SLCO3A1: variants seen among roughly 807,000 people sequenced by gnomAD.
SLCO3A1 encodes the protein solute carrier organic anion transporter family member 3A1, also known as PGE1 transporter.
Under a neutral mutation model 63.1 loss-of-function variants are expected in SLCO3A1, and 27 were observed. The ratio of observed to expected loss-of-function variants is 0.43; its 90% CI spans 0.32 to 0.59. The LOEUF (loss-of-function observed/expected upper bound fraction) is 0.59, where lower values mean the gene tolerates loss of function less well. Ranked by LOEUF, SLCO3A1 falls within the 20% of genes least tolerant of loss-of-function variation. SLCO3A1 has a pLI of 0.09. For missense variants in SLCO3A1, 773 were observed against 945.8 expected, an observed-to-expected ratio of 0.82 and a Z score of 2.40; for synonymous variants, 473 against 409.9, an observed-to-expected ratio of 1.15 and a Z score of -1.86.
chr15:91,961,542 A>G (rs1341627199), intron 2 of SLCO3A1, among the ~76,000 whole-genome samples: 2 of 152,228 alleles, frequency 1.3e-5, no homozygotes, highest in East Asian at 3.9e-4. Context: ...GAGATGAGTC[A>G]TATCTCACAC....
chr15:91,921,818 C>G (rs1429270687), intron 2 of SLCO3A1, among the ~76,000 whole-genome samples: 1 of 151,984 alleles, frequency 6.6e-6, no homozygotes, highest in Admixed American at 6.5e-5. Flanking sequence ...CTGCCTCTGC[C>G]TCCTGGGTTC....
intron 7 of SLCO3A1, among the ~76,000 whole-genome samples, chr15:92,144,079 C>T (rs1596141984): frequency 6.6e-6 from 1 of 152,222 alleles, no homozygotes; most frequent in Non-Finnish European, 1.5e-5. Context: ...TCTGTGTGTC[C>T]GTCCTTATGC....
At chr15:91,890,586 C>T (rs1897846470) in intron 1 of SLCO3A1, among the ~76,000 whole-genome samples, 1 of 152,176 alleles carries the variant, frequency 6.6e-6, no homozygotes, top group Non-Finnish European at 1.5e-5. Context: ...ATTTTACTTC[C>T]TCCCATGAAG....
chr15:92,150,163 C>T (rs1363867885), intron 8 of SLCO3A1, among the ~76,000 whole-genome samples: 2 of 152,180 alleles, frequency 1.3e-5, no homozygotes, highest in Admixed American at 1.3e-4. Flanking sequence ...TGTTCGAGGG[C>T]AGAAGGGGTC....
At chr15:91,964,654 G>A (rs754954904) in intron 2 of SLCO3A1, among the ~76,000 whole-genome samples, 30 of 152,104 alleles carry the variant, frequency 2.0e-4, no homozygotes, top group Non-Finnish European at 3.5e-4. Context: ...CCACAGCTCC[G>A]TCCCATCTCT....
chr15:92,167,683 G>A (rs2048500723), downstream of SLCO3A1, among the ~76,000 whole-genome samples: 1 of 152,216 alleles, frequency 6.6e-6, no homozygotes, highest in Non-Finnish European at 1.5e-5. Flanking sequence ...TTGTTCAAAT[G>A]CCTCTTATGG....
At chr15:92,032,845 A>G (rs552587311) in intron 2 of SLCO3A1, among the ~76,000 whole-genome samples, 162 of 149,312 alleles carry the variant, frequency 1.1e-3, no homozygotes, top group African/African-American at 3.9e-3. Flanking sequence ...TATAAGGGAC[A>G]GAGAAGAGAT....
In SLCO3A1 at chr15:91,916,227, G is replaced by A. The variant is rs1898651913; in HGVS notation, c.415G>A (p.Glu139Lys). The A allele has an allele frequency of 6.3e-7, 1 of 1,574,854 alleles. No individual in the cohort carries two copies. The highest frequency in any genetic ancestry group is 1.3e-5 in the African/African-American group (1 of 74,082). ...LTHQYKYEAG[E>K]IRWGAEGRDV... Reference sequence around the variant, plus strand: ...CCACCAGTACAAGTACGAGGCGGGCGAGATCCGCTGGGGCGCCGAGGGCCG... The same window carrying A: ...CCACCAGTACAAGTACGAGGCGGGCAAGATCCGCTGGGGCGCCGAGGGCCG... Residue 139 changes from glutamate (E) to lysine (K), a missense_variant, in exon 2 of 10, where the codon GAG becomes AAG. Physicochemically the swap from Glu to Lys is moderately conservative, Grantham distance 56. Around this residue, in one of 3 missense-constraint regions of SLCO3A1, gnomAD observed 565 missense variants for 749.8 expected, o/e 0.75. Transcript: ENST00000318445. This position sits in a 1 kb window ranked among gnomAD's most constrained non-coding sequence, Gnocchi z 6.2.
At chr15:91,989,344 CGT>C (rs1321869724) in intron 2 of SLCO3A1, among the ~76,000 whole-genome samples, 1 of 152,148 alleles carries the variant, frequency 6.6e-6, no homozygotes, top group African/African-American at 2.4e-5. Context: ...CCCTTCCTAT[CGT>C]GTGAGCAACT....
rs192901007 is a variant in SLCO3A1 at position 92,034,518 on chromosome 15, A to C, written c.647-60363A>C. Among the ~76,000 whole-genome samples the C allele has an allele frequency of 3.4e-4, 52 of 151,760 alleles. 2 individuals are homozygous for C. The highest frequency in any genetic ancestry group is 1.4e-3 in the Admixed American group (21 of 15,196). ...AGATGGTTTGGGGCATGGATGTAAGAAAAAGGGAGCCTGCAGCAACTCCCT... is the reference window on the plus strand; with the variant it reads ...AGATGGTTTGGGGCATGGATGTAAGCAAAAGGGAGCCTGCAGCAACTCCCT... On this transcript the variant is annotated intron_variant, in intron 2 of 9. Transcript: ENST00000318445.
In SLCO3A1 at chr15:91,894,864, A is replaced by G. The variant is rs186159221; in HGVS notation, c.181-21129A>G. Among the ~76,000 whole-genome samples, 17 of 152,312 alleles carry G rather than the reference A, an allele frequency of 1.1e-4. No homozygotes were observed. Among genetic ancestry groups the G allele is most frequent in the African/African-American group, 3.8e-4 (16 of 41,568 alleles). On this transcript the variant is annotated intron_variant, in intron 1 of 9. Transcript: ENST00000318445. This position sits in a 1 kb window ranked among gnomAD's most constrained non-coding sequence, Gnocchi z 4.8. ...CAGTGAAACCCCCGGAGGGACAGGG[A>G]GTGCGTAGAAGCAGGTTGTAGCTCG...
intron 1 of SLCO3A1, among the ~76,000 whole-genome samples, chr15:91,880,165 CCA>C (rs1897530358): frequency 3.4e-4 from 51 of 148,802 alleles, no homozygotes; most frequent in African/African-American, 7.8e-4. Flanking sequence ...ATCCATCCAT[CCA>C]TCCATCTATC....
intron 1 of SLCO3A1, among the ~76,000 whole-genome samples, chr15:91,866,500 T>C (rs536826160): frequency 6.6e-6 from 1 of 151,446 alleles, no homozygotes; most frequent in South Asian, 2.1e-4. Context: ...TCTAATCTCA[T>C]CCATCTCTGT....
intron 1 of SLCO3A1, among the ~76,000 whole-genome samples, chr15:91,891,173 C>G (rs950830971): frequency 2.6e-5 from 4 of 151,156 alleles, no homozygotes; most frequent in African/African-American, 9.8e-5. Context: ...AGAACAGAAC[C>G]ATTTTTAGGT....
At chr15:92,059,198 G>A (rs79842450) in intron 2 of SLCO3A1, among the ~76,000 whole-genome samples, 1,584 of 152,304 alleles carry the variant, frequency 0.01, 18 homozygotes, top group Middle Eastern at 0.041. Flanking sequence ...CTTCCCTAGG[G>A]GGGTGTTTCC....
intron 10 of SLCO3A1, chr15:92,171,716 T>C (rs1234644907): frequency 1.9e-5 from 22 of 1,138,470 alleles, no homozygotes; most frequent in South Asian, 1.6e-4. Context: ...TAACAAACAG[T>C]AGGTGAAGCA....
intron 2 of SLCO3A1, among the ~76,000 whole-genome samples, chr15:91,953,200 T>A (rs1900055703): frequency 6.6e-6 from 1 of 152,162 alleles, no homozygotes; most frequent in Non-Finnish European, 1.5e-5. Context: ...AGATAAACTG[T>A]CATCTTAGAA....
At chr15:91,911,729 C>T (rs1898493345) in intron 1 of SLCO3A1, among the ~76,000 whole-genome samples, 1 of 152,126 alleles carries the variant, frequency 6.6e-6, no homozygotes, top group Non-Finnish European at 1.5e-5. Context: ...CGGGTTCAAG[C>T]AGTTCTCCTG....
At position 91,860,219 on chromosome 15, in the gene SLCO3A1, G is replaced by T. The variant is rs140601130; in HGVS notation, c.180+6131G>T. On this transcript the variant is annotated intron_variant, in intron 1 of 9. Coordinates refer to ENST00000318445, the MANE Select transcript of SLCO3A1 (RefSeq NM_013272.4). This position sits in a 1 kb window ranked among gnomAD's most constrained non-coding sequence, Gnocchi z 5.5. ...GAGGTCCTCAGTATCTCTTGCTGTG[G>T]TCTGTGGCCACTGGGTGCTGAAGGC... 1.3e-5 allele frequency among the ~76,000 whole-genome samples: 2 copies of T among 152,160 alleles called. No individual in the cohort carries two copies. The highest frequency in any genetic ancestry group is 1.9e-4 in the East Asian group (1 of 5,190).
Sources: allele counts gnomAD v4.1 joint callset (sites outside exome capture counted in the v4.1 genomes callset), GRCh38; gene constraint gnomAD v4.1.1; regional missense constraint gnomAD v4.1.1; non-coding constraint Gnocchi (gnomAD v3.1); transcripts MANE v1.5; gene names NCBI Gene and HGNC (gene_info 2026-07-23, HGNC 2026-07-21).